The following CALU variants were observed in gnomAD, a reference collection of about 807,000 sequenced individuals.
The protein encoded by CALU is calumenin, also known as IEF SSP 9302.
A neutral mutation model predicts 37.5 loss-of-function variants in CALU; 13 were observed. That is an observed-to-expected ratio of 0.35 (90% CI 0.23 to 0.55). The LOEUF (loss-of-function observed/expected upper bound fraction) is 0.55, where lower values mean the gene tolerates loss of function less well. Among genes scored for constraint, CALU ranks in the 20% least tolerant of loss-of-function variants. CALU has a pLI of 0.89. For synonymous variants in CALU, 114 were observed against 133.8 expected (o/e 0.85, Z 1.02); for missense variants, 282 against 391.7 (o/e 0.72, Z 2.36).
intron 5 of CALU, chr7:128,761,266 C>G (rs1801105113): frequency 6.6e-6 from 1 of 151,542 alleles, no homozygotes; most frequent in African/African-American, 2.4e-5. Flanking sequence ...AAAAAAAAAG[C>G]TGTCTTTCTT....
intron 3 of CALU, chr7:128,754,842 C>G: frequency 2.2e-6 from 1 of 450,596 alleles, no homozygotes; most frequent in East Asian, 3.5e-5. Context: ...TAAGCTGATT[C>G]CCTTTATTAA....
At position 128,772,508 on chromosome 7, in the gene CALU, C is replaced by A; in HGVS notation, c.*3341C>A. On this transcript the variant is annotated 3_prime_UTR_variant, in exon 7 of 7. Transcript: ENST00000249364. Reference sequence around the variant, plus strand: ...ACTTACTTAAAAGTAAAATTTAATTCTAGCTGTTGCAAACAGGCCAATATT... The same window carrying A: ...ACTTACTTAAAAGTAAAATTTAATTATAGCTGTTGCAAACAGGCCAATATT... 1 of 1,613,804 alleles carries A rather than the reference C, an allele frequency of 6.2e-7. No individual in the cohort carries two copies. The highest frequency in any genetic ancestry group is 1.3e-5 in the African/African-American group (1 of 75,018).
At chr7:128,766,090 G>A (rs1374115104) in intron 5 of CALU, among the ~76,000 whole-genome samples, 1 of 152,060 alleles carries the variant, frequency 6.6e-6, no homozygotes, top group Non-Finnish European at 1.5e-5. Flanking sequence ...CCCAGTAGCT[G>A]GAGATTACAG....
At chr7:128,744,663 T>C (rs551649170) in intron 1 of CALU, among the ~76,000 whole-genome samples, 63 of 152,040 alleles carry the variant, frequency 4.1e-4, no homozygotes, top group African/African-American at 1.5e-3. Flanking sequence ...CAGGGTAGCA[T>C]TGGACAGTGA....
At chr7:128,746,762 CTTTT>C in intron 1 of CALU, among the ~76,000 whole-genome samples, 1 of 122,666 alleles carries the variant, frequency 8.2e-6, no homozygotes. Flanking sequence ...TCATGTCATT[CTTTT>C]TTTTTTTTTT....
intron 4 of CALU, among the ~76,000 whole-genome samples, chr7:128,759,422 A>G (rs1281244262): frequency 6.6e-6 from 1 of 152,212 alleles, no homozygotes; most frequent in African/African-American, 2.4e-5. Context: ...TACTGACAAC[A>G]TAGACTATCT....
intron 1 of CALU, among the ~76,000 whole-genome samples, chr7:128,745,497 T>C (rs1800397556): frequency 1.3e-5 from 2 of 151,970 alleles, no homozygotes; most frequent in South Asian, 4.2e-4. Flanking sequence ...CCCAGCTACT[T>C]GGGAGGCTGA....
Position 128,767,466 on chromosome 7 carries a change from C to T in CALU, c.654C>T (p.Tyr218=). The part of the protein sequence containing the change: ...IDLEEYIGDM[Y]SHDGNTDEPE... Reference sequence around the variant, plus strand: ...TGTCTGTGTACCCAGGTGACATGTACAGCCATGATGGGAATACTGATGAGC... The same window carrying T: ...TGTCTGTGTACCCAGGTGACATGTATAGCCATGATGGGAATACTGATGAGC... Residue 218 remains tyrosine, a synonymous_variant, in exon 6 of 7, where the codon TAC becomes TAT. Coordinates refer to ENST00000249364, the MANE Select transcript of CALU (RefSeq NM_001219.5). The T allele has an allele frequency of 1.2e-6, 2 of 1,612,618 alleles. No homozygotes were observed. Among genetic ancestry groups the T allele is most frequent in the Non-Finnish European group, 1.7e-6 (2 of 1,178,604 alleles).
chr7:128,742,578 G>A (rs567935341), intron 1 of CALU, among the ~76,000 whole-genome samples: 21 of 152,232 alleles, frequency 1.4e-4, no homozygotes, highest in African/African-American at 4.8e-4. Flanking sequence ...TGAAAGTTTG[G>A]GCCATGTATT....
At chr7:128,766,025 C>T (rs1801314514) in intron 5 of CALU, among the ~76,000 whole-genome samples, 1 of 152,202 alleles carries the variant, frequency 6.6e-6, no homozygotes, top group African/African-American at 2.4e-5. Flanking sequence ...GGCACGGTCT[C>T]GGCTCATTGC....
chr7:128,754,578 G>C, intron 3 of CALU, 123 bp downstream of exon 3: 3 of 1,552,428 alleles, frequency 1.9e-6, no homozygotes, highest in Non-Finnish European at 2.6e-6. Flanking sequence ...TGTGACGGAG[G>C]GGGAGCTGAA....
At chr7:128,759,116 T>C in intron 4 of CALU, 79 bp downstream of exon 4, 1 of 1,056,212 alleles carries the variant, frequency 9.5e-7, no homozygotes, top group South Asian at 1.6e-5. Context: ...TTTAGCCTTA[T>C]ATAGCATATC....
At chr7:128,752,691 A>G (rs1212208190) in intron 2 of CALU, among the ~76,000 whole-genome samples, 3 of 152,136 alleles carry the variant, frequency 2.0e-5, no homozygotes, top group Non-Finnish European at 2.9e-5. Context: ...AGAGATAACT[A>G]CTTTTTTTTC....
chr7:128,768,851 A>AAAAAAAAAAAAAAAAAAC lies in CALU; in HGVS notation c.844-209_844-192dup, dbSNP rs1562883570. Among the ~76,000 whole-genome samples, 41 of 148,070 alleles carry AAAAAAAAAAAAAAAAAAC rather than the reference A, an allele frequency of 2.8e-4. 4 individuals are homozygous for AAAAAAAAAAAAAAAAAAC. The highest frequency in any genetic ancestry group is 3.5e-3 in the Middle Eastern group (1 of 284). ...AACAAGAGCGAAACTCCGTCTCAAAAAAAAAAAAAAAAAAAAACAAGGAAT... is the reference window on the plus strand; with the variant it reads ...AACAAGAGCGAAACTCCGTCTCAAAAAAAAAAAAAAAAAAAAACAAAAAAAAAAAAAAAAACAAGGAAT... On this transcript the variant is annotated intron_variant, in intron 6 of 6. Transcript: ENST00000249364.
chr7:128,746,694 C>T (rs770739928), intron 1 of CALU, among the ~76,000 whole-genome samples: 11 of 151,986 alleles, frequency 7.2e-5, no homozygotes, highest in African/African-American at 2.4e-4. Context: ...GCAAGTGATC[C>T]GCCTGCATTA....
At chr7:128,761,268 G>T (rs1585015838) in intron 5 of CALU, 2 of 151,834 alleles carry the variant, frequency 1.3e-5, no homozygotes, top group East Asian at 1.9e-4. Context: ...AAAAAAAGCT[G>T]TCTTTCTTAC....
chr7:128,768,846 T>TTAAAAAA (rs1377495395), intron 6 of CALU, among the ~76,000 whole-genome samples: 1 of 22,930 alleles, frequency 4.4e-5, no homozygotes, highest in Non-Finnish European at 8.1e-5. Context: ...AAACTCCGTC[T>TTAAAAAA]CAAAAAAAAA....
chr7:128,772,707 A>G lies in CALU; in HGVS notation c.*3540A>G. 3.1e-6 allele frequency: 5 copies of G among 1,613,192 alleles called. No homozygotes were observed. Among genetic ancestry groups the G allele is most frequent in the African/African-American group, 1.3e-5 (1 of 75,024 alleles). ...AGATAACCTTGGCAGATGAGGAAGT[A>G]TGGGAAAAAAGACCTTATTCTCTGT... On this transcript the variant is annotated 3_prime_UTR_variant, in exon 7 of 7. Transcript: ENST00000249364.
At chr7:128,761,071 C>T (rs1021746280) in intron 5 of CALU, among the ~76,000 whole-genome samples, 2 of 152,198 alleles carry the variant, frequency 1.3e-5, no homozygotes, top group Non-Finnish European at 2.9e-5. Context: ...CATATTTTCT[C>T]TCTGATTCTC....
Sources: allele counts gnomAD v4.1 joint callset (sites outside exome capture counted in the v4.1 genomes callset), GRCh38; gene constraint gnomAD v4.1.1; transcripts MANE v1.5; gene names NCBI Gene and HGNC (gene_info 2026-07-23, HGNC 2026-07-21).